Variants in MAP9 observed in about 807,000 individuals in gnomAD.
The protein encoded by MAP9 is microtubule associated protein 9.
Under a neutral mutation model 75.2 loss-of-function variants are expected in MAP9, and 80 were observed. The ratio of observed to expected loss-of-function variants is 1.06; its 90% confidence interval spans 0.89 to 1.28. The LOEUF (loss-of-function observed/expected upper bound fraction) is 1.28, where lower values mean the gene tolerates loss of function less well. Ranked by LOEUF, MAP9 falls within the 50% of genes most tolerant of loss-of-function variation. MAP9 has a pLI of 0.00. For synonymous variants in MAP9, 235 were observed against 237.3 expected, an observed-to-expected ratio of 0.99 and a Z score of 0.09; for missense variants, 753 against 719.9, an observed-to-expected ratio of 1.05 and a Z score of -0.53.
intron 4 of MAP9, among the ~76,000 whole-genome samples, chr4:155,370,190 T>C (rs1732532195): frequency 6.6e-6 from 1 of 152,218 alleles, no homozygotes; most frequent in South Asian, 2.1e-4. Flanking sequence ...CTATCAATTC[T>C]AATTGCCAAA....
In MAP9 at chr4:155,362,099, T is replaced by G; in HGVS notation, c.751A>C (p.Ile251Leu). Residue 251 changes from isoleucine (I) to leucine (L), a missense_variant, in exon 6 of 14, where the codon ATT becomes CTT. By Grantham distance (5) the Ile-to-Leu change is conservative. Transcript: ENST00000311277. ...CCTGGTGAAAAAGAATCTCCAAGAA[T>G]TTGTTTAAGTGATGATGATGCTAGA... ...TSLASSSLKQ[I>L]LGDSFSPGSE... 1 of 1,599,352 alleles carries G rather than the reference T, an allele frequency of 6.3e-7. No homozygotes were observed. The highest frequency in any genetic ancestry group is 1.4e-5 in the African/African-American group (1 of 73,950).
chr4:155,360,043 ATCAC>A lies in MAP9; in HGVS notation c.1050+121_1050+124del. On this transcript the variant is annotated intron_variant, in intron 7 of 13. Coordinates refer to ENST00000311277, the MANE Select transcript of MAP9 (RefSeq NM_001039580.2). ...AGTAAGAACCATGTGACAATACAAT[ATCAC>A]TATCAAAAGATAAATTTTCCACTGG... The A allele has an allele frequency of 4.7e-6, 4 of 859,648 alleles. No homozygotes were observed. In the South Asian group the frequency reaches 7.4e-5, roughly 16 times the overall value. The allele number at this position is 859,648 out of a possible 1,614,324, so 53.3% of individuals were successfully genotyped here.
intron 4 of MAP9, among the ~76,000 whole-genome samples, chr4:155,372,082 C>T (rs1459326718): frequency 2.0e-5 from 3 of 152,140 alleles, no homozygotes; most frequent in Non-Finnish European, 2.9e-5. Context: ...TTGCTGAAGT[C>T]ATATATAATA....
At position 155,360,325 on chromosome 4, in the gene MAP9, G is replaced by A. The variant is rs1732013075; in HGVS notation, c.893C>T (p.Ala298Val). Reference protein sequence around the residue: ...NSFSADHVTTAVEKSKESQVT... With the variant: ...NSFSADHVTTVVEKSKESQVT... Reference sequence around the variant, plus strand: ...TTGACTTTCCTTGGATTTCTCAACTGCAGTAGTCACATGGTCTGCTGAAAA... The same window carrying A: ...TTGACTTTCCTTGGATTTCTCAACTACAGTAGTCACATGGTCTGCTGAAAA... The change falls in exon 7 of 14, where the codon GCA becomes GTA. Residue 298 changes from alanine (A) to valine (V), a missense_variant. By Grantham distance (64) the Ala-to-Val change is moderately conservative. Coordinates refer to ENST00000311277, the MANE Select transcript of MAP9 (RefSeq NM_001039580.2). 2.5e-6 allele frequency: 4 copies of A among 1,612,974 alleles called. No individual in the cohort carries two copies. The East Asian group carries it at 8.9e-5, about 36-fold the overall frequency.
chr4:155,356,307 T>G (rs1341399433), intron 8 of MAP9, among the ~76,000 whole-genome samples: 3 of 152,092 alleles, frequency 2.0e-5, no homozygotes, highest in Admixed American at 6.6e-5. Flanking sequence ...TAACAAATTA[T>G]AATTACTTTG....
chr4:155,360,382 G>C lies in MAP9; in HGVS notation c.836C>G (p.Ser279Cys), dbSNP rs557945977. 14 of 1,611,536 alleles carry C rather than the reference G, an allele frequency of 8.7e-6. No individual in the cohort carries two copies. Among genetic ancestry groups the C allele is most frequent in the Non-Finnish European group, 1.2e-5 (14 of 1,178,686 alleles). Residue 279 changes from serine to cysteine, a missense_variant, in exon 7 of 14, where the codon TCC (serine) becomes TGC (cysteine). Transcript: ENST00000311277. ...PNEEITENHN[S>C]LKSDENKENS... Reference sequence around the variant, plus strand: ...CTCTTTATTTTCATCTGATTTCAAGGAATTATGGTTTTCAGTGATTTCTTC... The same window carrying C: ...CTCTTTATTTTCATCTGATTTCAAGCAATTATGGTTTTCAGTGATTTCTTC...
intron 13 of MAP9, chr4:155,350,181 G>T (rs1731452172): frequency 4.6e-6 from 2 of 434,924 alleles, no homozygotes; most frequent in Non-Finnish European, 9.0e-6. Context: ...TTGAGATGTT[G>T]TTTTCCATGA....
chr4:155,360,100 T>C, intron 7 of MAP9, 68 bp downstream of exon 7: 9 of 1,437,910 alleles, frequency 6.3e-6, no homozygotes, highest in Non-Finnish European at 8.6e-6. Flanking sequence ...ACACAGAAGA[T>C]AAAATTTCTT....
At chr4:155,375,503 G>GA (rs370154766) in intron 2 of MAP9, among the ~76,000 whole-genome samples, 28 of 151,784 alleles carry the variant, frequency 1.8e-4, no homozygotes, top group Non-Finnish European at 2.8e-4. Context: ...TGTTACAACA[G>GA]AAAAAAAAGT....
intron 1 of MAP9, chr4:155,376,538 G>GC (rs776851810): frequency 6.6e-6 from 1 of 152,378 alleles, no homozygotes; most frequent in Non-Finnish European, 1.5e-5. Flanking sequence ...AGCGTTGTGC[G>GC]CCCCGGGTTC....
chr4:155,360,322 A>T lies in MAP9; in HGVS notation c.896T>A (p.Val299Asp), dbSNP rs1299851218. 2.5e-6 allele frequency: 4 copies of T among 1,613,024 alleles called. No individual in the cohort carries two copies. The South Asian group carries it at 4.4e-5, about 18-fold the overall frequency. Residue 299 changes from valine to aspartate, a missense_variant, in exon 7 of 14, where the codon GTT becomes GAT. Coordinates refer to ENST00000311277, the MANE Select transcript of MAP9 (RefSeq NM_001039580.2). ...SFSADHVTTA[V>D]EKSKESQVTA... ...CACTTGACTTTCCTTGGATTTCTCA[A>T]CTGCAGTAGTCACATGGTCTGCTGA...
chr4:155,358,704 T>A (rs937255581), intron 7 of MAP9, among the ~76,000 whole-genome samples: 1 of 152,022 alleles, frequency 6.6e-6, no homozygotes, highest in South Asian at 2.1e-4. Context: ...ATAATAATAA[T>A]GTTCCCCTCA....
At chr4:155,354,709 T>C (rs1453140768) in intron 10 of MAP9, among the ~76,000 whole-genome samples, 2 of 152,064 alleles carry the variant, frequency 1.3e-5, no homozygotes, top group Non-Finnish European at 2.9e-5. Context: ...AGGAATCCCA[T>C]CTGCCTTGGC....
Position 155,345,504 on chromosome 4 carries a change from GA to G in MAP9, c.*2278del, listed in dbSNP as rs1278416336. 1 of 151,832 alleles carries G rather than the reference GA, an allele frequency of 6.6e-6. No homozygotes were observed. Among genetic ancestry groups the G allele is most frequent in the African/African-American group, 2.4e-5 (1 of 41,302 alleles). The allele number at this position is 151,832 out of a possible 1,614,324, so 9.4% of individuals were successfully genotyped here. A position where few individuals can be genotyped will look rare whatever the true frequency, so the allele number is the denominator to read the frequency against. Reference sequence around the variant, plus strand: ...ACAGCCTGGACTGGCCAGCAAGACAGAAATTTCTTCTTCCTAAAAATGTGTA... The same window carrying G: ...ACAGCCTGGACTGGCCAGCAAGACAGAATTTCTTCTTCCTAAAAATGTGTA... On this transcript the variant is annotated 3_prime_UTR_variant, in exon 14 of 14. Coordinates refer to ENST00000311277, the MANE Select transcript of MAP9 (RefSeq NM_001039580.2).
At chr4:155,359,248 G>C (rs544385198) in intron 7 of MAP9, among the ~76,000 whole-genome samples, 2,395 of 105,436 alleles carry the variant, frequency 0.023, 63 homozygotes, top group African/African-American at 0.073. Flanking sequence ...CACACACACA[G>C]GAATACTATT....
intron 1 of MAP9, 87 bp downstream of exon 1, chr4:155,376,684 G>C (rs958210796): frequency 2.0e-5 from 3 of 153,114 alleles, no homozygotes. Context: ...CCCAGGTCCC[G>C]CTTTCTGTTC....
Position 155,346,913 on chromosome 4 carries a change from C to T in MAP9, c.*870G>A, listed in dbSNP as rs17377421. The T allele has an allele frequency of 0.18, 26,749 of 152,494 alleles. 2,382 individuals are homozygous for T. Among genetic ancestry groups the T allele is most frequent in the Non-Finnish European group, 0.2 (13,593 of 67,958 alleles). 9.4% of individuals were successfully genotyped at this position (152,494 alleles called of 1,614,324 possible). The stretch of plus-strand genomic sequence containing the variant: ...ATTTACCTTCCCATACAGCTGTCTG[C>T]TGAATATAAGCTATAAAACAGGACT... On this transcript the variant is annotated 3_prime_UTR_variant, in exon 14 of 14. Coordinates refer to ENST00000311277, the MANE Select transcript of MAP9 (RefSeq NM_001039580.2).
intron 5 of MAP9, among the ~76,000 whole-genome samples, chr4:155,366,146 G>C (rs1242928839): frequency 6.6e-6 from 1 of 152,148 alleles, no homozygotes; most frequent in African/African-American, 2.4e-5. Context: ...GGATCACGAT[G>C]TCAGGAGATC....
At chr4:155,354,969 T>A in intron 10 of MAP9, 102 bp downstream of exon 10, 1 of 521,668 alleles carries the variant, frequency 1.9e-6, no homozygotes, top group Non-Finnish European at 3.4e-6. Context: ...AATATACAAG[T>A]TATTTTGCCA....
Sources: gnomAD v4.1 joint callset for allele counts (sites outside exome capture counted in the v4.1 genomes callset) on GRCh38, gnomAD v4.1.1 for gene constraint, MANE v1.5 for transcripts, NCBI Gene and HGNC (gene_info 2026-07-23, HGNC 2026-07-21) for gene names.